GRM5: variants seen among roughly 807,000 people sequenced by gnomAD.
The protein encoded by GRM5 is glutamate metabotropic receptor 5, also known as metabotropic glutamate receptor 5.
A neutral mutation model predicts 83.1 loss-of-function variants in GRM5; 19 were observed. That is an observed-to-expected ratio of 0.23 (90% CI 0.16 to 0.34). The LOEUF (loss-of-function observed/expected upper bound fraction) is 0.34, where lower values mean the gene tolerates loss of function less well. GRM5 is among the 10% of genes least tolerant of loss of function. The pLI is 1.00. For missense variants in GRM5, 1,160 were observed against 1,588.3 expected (o/e 0.73, Z 4.58); for synonymous variants, 675 against 633.6 (o/e 1.07, Z -0.98).
Position 88,509,330 on chromosome 11 carries a change from T to TGCGCCA in GRM5, c.2895_2900dup (p.Ala967_Gly968dup), listed in dbSNP as rs759627155. 82 of 1,598,934 alleles carry TGCGCCA rather than the reference T, an allele frequency of 5.1e-5. No homozygotes were observed. The highest frequency in any genetic ancestry group is 9.5e-5 in the African/African-American group (7 of 73,876). On this transcript the variant is annotated inframe_insertion, in exon 10 of 10. Transcript: ENST00000305447. ...CCCCCACGCCCCCAGCGCTCCCGCC[T>TGCGCCA]GCGCCAGCGCCAGCGCCCAGGCCAC...
chr11:88,986,175 A>C (rs771727497), intron 2 of GRM5, among the ~76,000 whole-genome samples: 6 of 152,198 alleles, frequency 3.9e-5, no homozygotes, highest in Non-Finnish European at 5.9e-5. Context: ...AAAAAAGAAC[A>C]ACCTATTGAT....
At chr11:88,530,106 A>C (rs1458131274) in intron 8 of GRM5, among the ~76,000 whole-genome samples, 1 of 152,022 alleles carries the variant, frequency 6.6e-6, no homozygotes, top group Non-Finnish European at 1.5e-5. Flanking sequence ...CAGGAAAACT[A>C]TGTAGACAGT....
intron 2 of GRM5, among the ~76,000 whole-genome samples, chr11:89,000,245 T>TA (rs1280595732): frequency 6.6e-6 from 1 of 151,792 alleles, no homozygotes; most frequent in Non-Finnish European, 1.5e-5. Flanking sequence ...TAACAATAAT[T>TA]AAAAAACGGA....
rs562480695 is a variant in GRM5 at position 88,574,460 on chromosome 11, A to C, written c.1691-6468T>G. Among the ~76,000 whole-genome samples the C allele has an allele frequency of 6.7e-4, 102 of 152,214 alleles. 1 individual carries two copies. The highest frequency in any genetic ancestry group is 3.4e-3 in the Middle Eastern group (1 of 294). ...ACTTACTTCTGCCTAGGGACGTGACATGTTTCATATTAGAAATATTCCTCG... is the reference window on the plus strand; with the variant it reads ...ACTTACTTCTGCCTAGGGACGTGACCTGTTTCATATTAGAAATATTCCTCG... On this transcript the variant is annotated intron_variant, in intron 7 of 9. Coordinates refer to ENST00000305447, the MANE Select transcript of GRM5 (RefSeq NM_001143831.3).
chr11:88,953,819 T>C (rs1486125222), intron 2 of GRM5, among the ~76,000 whole-genome samples: 2 of 152,206 alleles, frequency 1.3e-5, no homozygotes, highest in Admixed American at 1.3e-4. Context: ...TTTATGATGC[T>C]AAAGATATTT....
At chr11:88,543,088 A>C (rs1024888711) in intron 8 of GRM5, among the ~76,000 whole-genome samples, 1 of 152,206 alleles carries the variant, frequency 6.6e-6, no homozygotes, top group Admixed American at 6.5e-5. Flanking sequence ...AATAACACCT[A>C]GGTGTCCTAG....
chr11:88,989,254 G>C (rs1351273387), intron 2 of GRM5, among the ~76,000 whole-genome samples: 3 of 143,528 alleles, frequency 2.1e-5, no homozygotes, highest in Non-Finnish European at 4.6e-5. Context: ...AAGATCAAAA[G>C]AGACAAAGAA....
In GRM5 at chr11:88,504,865, G is replaced by A. The variant is rs540580217; in HGVS notation, c.*3727C>T. On this transcript the variant is annotated 3_prime_UTR_variant, in exon 10 of 10. Coordinates refer to ENST00000305447, the MANE Select transcript of GRM5 (RefSeq NM_001143831.3). ...CGCACACAATTTTAAAACCAAATCAGTTATAAGTGCAGAAAAAAGTAAGTA... is the reference window on the plus strand; with the variant it reads ...CGCACACAATTTTAAAACCAAATCAATTATAAGTGCAGAAAAAAGTAAGTA... The A allele has an allele frequency of 1.3e-5, 2 of 152,194 alleles. No individual in the cohort carries two copies. The highest frequency in any genetic ancestry group is 4.2e-4 in the South Asian group (2 of 4,816). 9.4% of individuals were successfully genotyped at this position (152,194 alleles called of 1,614,324 possible). A position where few individuals can be genotyped will look rare whatever the true frequency, so the allele number is the denominator to read the frequency against.
At chr11:88,557,272 G>A (rs961349969) in intron 8 of GRM5, among the ~76,000 whole-genome samples, 6 of 152,156 alleles carry the variant, frequency 3.9e-5, no homozygotes, top group Admixed American at 2.0e-4. Context: ...ACTTAGCACA[G>A]TATCTGTCAT....
At chr11:88,746,570 C>A (rs548680096) in intron 3 of GRM5, among the ~76,000 whole-genome samples, 18 of 147,570 alleles carry the variant, frequency 1.2e-4, no homozygotes, top group East Asian at 2.0e-4. Context: ...ATTCTGGAGA[C>A]AAAAAAAAAA....
intron 8 of GRM5, among the ~76,000 whole-genome samples, chr11:88,529,275 A>G (rs993108468): frequency 1.3e-5 from 2 of 151,672 alleles, no homozygotes; most frequent in Non-Finnish European, 2.9e-5. Flanking sequence ...ATGAAATGTA[A>G]ACAGATAATT....
chr11:89,048,556 A>G lies in GRM5; in HGVS notation c.-200-484T>C, dbSNP rs185633358. ...GCATGTAATTAATTATGCAATTACA[A>G]AAATAAAATTATCTTTTCAAAAATA... On this transcript the variant is annotated intron_variant, in intron 1 of 9. Transcript: ENST00000305447. Among the ~76,000 whole-genome samples, 725 of 152,362 alleles carry G rather than the reference A, an allele frequency of 4.8e-3. 5 individuals carry two copies. The highest frequency in any genetic ancestry group is 0.033 in the South Asian group (158 of 4,832).
chr11:88,946,020 G>C lies in GRM5; in HGVS notation c.662-95865C>G, dbSNP rs554977157. Among the ~76,000 whole-genome samples the C allele has an allele frequency of 5.3e-5, 8 of 151,888 alleles. 1 individual carries two copies. The South Asian group carries it at 1.2e-3, about 24-fold the overall frequency. ...AAAGTCTAGTATCCAGAAGCTATAA[G>C]GAATGTAAACAGTTCAACAAGCATA... On this transcript the variant is annotated intron_variant, in intron 2 of 9. Transcript: ENST00000305447.
At chr11:88,800,549 T>C (rs150656302) in intron 3 of GRM5, among the ~76,000 whole-genome samples, 202 of 152,276 alleles carry the variant, frequency 1.3e-3, no homozygotes, top group African/African-American at 4.7e-3. Context: ...GCCAATTGCA[T>C]TGCACAAAAT....
chr11:88,925,016 A>G (rs535402067), intron 2 of GRM5, among the ~76,000 whole-genome samples: 28 of 152,202 alleles, frequency 1.8e-4, no homozygotes, highest in African/African-American at 6.3e-4. Context: ...TACTTCAGCT[A>G]GGAAAAAACC....
chr11:88,918,649 T>G lies in GRM5; in HGVS notation c.662-68494A>C, dbSNP rs552024607. ...CTACTCATATCTTGAGTAGGAAGAC[T>G]AAAAGACAAATTTATCTGAAATAAT... is the stretch of plus-strand genomic sequence containing the variant. On this transcript the variant is annotated intron_variant, in intron 2 of 9. Coordinates refer to ENST00000305447, the MANE Select transcript of GRM5 (RefSeq NM_001143831.3). 1.8e-4 allele frequency among the ~76,000 whole-genome samples: 27 copies of G among 152,108 alleles called. No homozygotes were observed. The East Asian group carries it at 5.2e-3, about 29-fold the overall frequency.
At position 88,928,907 on chromosome 11, in the gene GRM5, T is replaced by TATATACACAC. The variant is rs369951090; in HGVS notation, c.662-78753_662-78752insGTGTGTATAT. Among the ~76,000 whole-genome samples the TATATACACAC allele has an allele frequency of 3.6e-3, 494 of 138,754 alleles. 2 individuals are homozygous for TATATACACAC. Among genetic ancestry groups the TATATACACAC allele is most frequent in the African/African-American group, 9.6e-3 (345 of 35,834 alleles). The allele number at this position is 138,754 out of a possible 152,430, so 91.0% of individuals were successfully genotyped here. The stretch of plus-strand genomic sequence containing the variant: ...GTTTGTACCTATGTGTATGTGTATA[T>TATATACACAC]ACACACACACACACACACACACACA... On this transcript the variant is annotated intron_variant, in intron 2 of 9. Transcript: ENST00000305447.
chr11:88,511,628 T>C (rs1941371938), intron 9 of GRM5: 1 of 152,264 alleles, frequency 6.6e-6, no homozygotes, highest in Non-Finnish European at 1.5e-5. Flanking sequence ...TGGAGGTTGC[T>C]GTGCATCCAT....
chr11:88,757,261 A>G (rs1161950741), intron 3 of GRM5, among the ~76,000 whole-genome samples: 1 of 152,184 alleles, frequency 6.6e-6, no homozygotes, highest in Non-Finnish European at 1.5e-5. Context: ...GCCACCCTCC[A>G]CATCATTTTG....
Sources: gnomAD v4.1 joint callset for allele counts (sites outside exome capture counted in the v4.1 genomes callset) on GRCh38, gnomAD v4.1.1 for gene constraint, MANE v1.5 for transcripts, NCBI Gene and HGNC (gene_info 2026-07-23, HGNC 2026-07-21) for gene names.